The following P2RY8 variants were observed in gnomAD, a reference collection of about 807,000 sequenced individuals.
P2RY8 encodes S-geranylgeranyl-glutathione receptor P2RY8.
Under a neutral mutation model 10.0 loss-of-function variants are expected in P2RY8, and 6 were observed. The observed-to-expected ratio is 0.60, with a 90% CI of 0.33 to 1.19. P2RY8 has a LOEUF of 1.19. Among genes scored for constraint, P2RY8 ranks in the 50% most tolerant of loss-of-function variants. The pLI is 0.04. For synonymous variants in P2RY8, 276 were observed against 252.5 expected, an observed-to-expected ratio of 1.09 and a Z score of -0.88; for missense variants, 456 against 542.0, an observed-to-expected ratio of 0.84 and a Z score of 1.58.
intron 1 of P2RY8, among the ~76,000 whole-genome samples, chrX:1,485,150 C>T (rs756988417): frequency 6.6e-6 from 1 of 151,188 alleles, no homozygotes; most frequent in African/African-American, 2.4e-5. Context: ...CTTTTTTCTT[C>T]TTTTGAAGGT....
At chrX:1,502,535 T>A (rs1318761112) in intron 1 of P2RY8, among the ~76,000 whole-genome samples, 5 of 152,092 alleles carry the variant, frequency 3.3e-5, no homozygotes, top group African/African-American at 1.2e-4. Context: ...GCCGCCCCTG[T>A]CCCTACTCTC....
intron 1 of P2RY8, among the ~76,000 whole-genome samples, chrX:1,521,992 G>A (rs1390847416): frequency 1.2e-5 from 1 of 81,850 alleles, no homozygotes; most frequent in East Asian, 4.7e-4. Context: ...TGCTCTTGCT[G>A]CCCAGGCTGG....
At chrX:1,480,216 C>A (rs2091918652) in intron 1 of P2RY8, among the ~76,000 whole-genome samples, 2 of 152,162 alleles carry the variant, frequency 1.3e-5, no homozygotes, top group Admixed American at 1.3e-4. Flanking sequence ...AGGGTGACAG[C>A]AACTAGCCTG....
chrX:1,503,960 A>T (rs756594099), intron 1 of P2RY8, among the ~76,000 whole-genome samples: 1 of 151,976 alleles, frequency 6.6e-6, no homozygotes, highest in South Asian at 2.1e-4. Context: ...ATAGACTGTA[A>T]TCATGTTGGT....
intron 1 of P2RY8, among the ~76,000 whole-genome samples, chrX:1,490,304 G>A (rs1251715873): frequency 1.6e-5 from 2 of 126,792 alleles, no homozygotes; most frequent in African/African-American, 6.1e-5. Context: ...AAATGTGGAG[G>A]GAATGAATGA....
At chrX:1,533,660 T>C (rs2092499335) in intron 1 of P2RY8, among the ~76,000 whole-genome samples, 1 of 127,418 alleles carries the variant, frequency 7.8e-6, no homozygotes, top group Non-Finnish European at 1.5e-5. Flanking sequence ...TACATATTTA[T>C]TATTTAAATA....
chrX:1,485,404 G>A (rs2091977451), intron 1 of P2RY8, among the ~76,000 whole-genome samples: 1 of 152,088 alleles, frequency 6.6e-6, no homozygotes, highest in Admixed American at 6.6e-5. Context: ...CACCCAAAAT[G>A]CTAGGATTAC....
intron 1 of P2RY8, among the ~76,000 whole-genome samples, chrX:1,486,319 G>A (rs1304064693): frequency 7.2e-5 from 11 of 152,284 alleles, no homozygotes; most frequent in South Asian, 4.1e-4. Flanking sequence ...CCAAGTGTCC[G>A]TCAACAGACA....
intron 1 of P2RY8, among the ~76,000 whole-genome samples, chrX:1,502,707 G>A (rs2092191995): frequency 6.6e-6 from 1 of 152,214 alleles, no homozygotes; most frequent in East Asian, 1.9e-4. Flanking sequence ...GATCTTGAGA[G>A]AAAATAATCC....
intron 1 of P2RY8, among the ~76,000 whole-genome samples, chrX:1,504,190 C>G (rs1344063843): frequency 4.6e-5 from 7 of 151,830 alleles, no homozygotes; most frequent in Non-Finnish European, 1.0e-4. Context: ...GTTGCAGGCG[C>G]CTGTAGTCCC....
chrX:1,489,324 C>T (rs761602431), intron 1 of P2RY8, among the ~76,000 whole-genome samples: 334 of 151,656 alleles, frequency 2.2e-3, no homozygotes, highest in Non-Finnish European at 3.3e-3. Flanking sequence ...GAGATTTACT[C>T]CTGCAACAGT....
chrX:1,493,425 G>GA (rs1556679264), intron 1 of P2RY8, among the ~76,000 whole-genome samples: 5 of 55,956 alleles, frequency 8.9e-5, no homozygotes, highest in South Asian at 8.5e-4. Context: ...AAGGAGGAAG[G>GA]AGGAGGGAGG....
rs1331355024 is a variant in P2RY8 at position 1,522,029 on chromosome X, C to T, written c.-25+14892G>A. 6.8e-5 allele frequency among the ~76,000 whole-genome samples: 9 copies of T among 132,064 alleles called. No individual in the cohort carries two copies. In the East Asian group the frequency reaches 7.7e-4, roughly 11 times the overall value. 86.6% of individuals were successfully genotyped at this position (132,064 alleles called of 152,430 possible). On this transcript the variant is annotated intron_variant, in intron 1 of 1. Transcript: ENST00000381297. The stretch of plus-strand genomic sequence containing the variant: ...GTGCAATGGTGCGATCTCGGCTCAC[C>T]GCAACCTCCGCCTCCCGGGTTCAGG...
At chrX:1,497,021 C>G (rs1488810345) in intron 1 of P2RY8, among the ~76,000 whole-genome samples, 2 of 148,714 alleles carry the variant, frequency 1.3e-5, no homozygotes, top group African/African-American at 5.0e-5. Context: ...GAGTTCGAGA[C>G]CAGTCTGATC....
chrX:1,490,381 C>A lies in P2RY8; in HGVS notation c.-24-23799G>T, dbSNP rs1200377235. 8.0e-5 allele frequency among the ~76,000 whole-genome samples: 12 copies of A among 150,254 alleles called. 1 individual carries two copies. The highest frequency in any genetic ancestry group is 7.3e-4 in the Admixed American group (11 of 15,106). On this transcript the variant is annotated intron_variant, in intron 1 of 1. Coordinates refer to ENST00000381297, the MANE Select transcript of P2RY8 (RefSeq NM_178129.5). Reference sequence around the variant, plus strand: ...ATGAATGATACCCAGATATTCCCTGCAAATGTGGAGGGAATGAATGAATGA... The same window carrying A: ...ATGAATGATACCCAGATATTCCCTGAAAATGTGGAGGGAATGAATGAATGA...
In P2RY8 at chrX:1,465,997, C is replaced by T. The variant is rs763255267; in HGVS notation, c.562G>A (p.Ala188Thr). ...GTGAAGAGGAACACGGCCCACATGG[C>T]CACGCTGGGGAGCATCGTCCACTTG... Reference protein sequence around the residue: ...VLKWTMLPSVAMWAVFLFTIF... With the variant: ...VLKWTMLPSVTMWAVFLFTIF... The change falls in exon 2 of 2, where the codon GCC (alanine) becomes ACC (threonine). Residue 188 changes from alanine to threonine, a missense_variant. Ala to Thr is a moderately conservative substitution (Grantham distance 58, BLOSUM62 0). Transcript: ENST00000381297. 20 of 1,612,092 alleles carry T rather than the reference C, an allele frequency of 1.2e-5. No homozygotes were observed. The East Asian group carries it at 1.8e-4, about 14-fold the overall frequency.
intron 1 of P2RY8, among the ~76,000 whole-genome samples, chrX:1,516,480 G>A (rs2092350766): frequency 2.0e-5 from 3 of 150,888 alleles, no homozygotes; most frequent in Non-Finnish European, 2.9e-5. Context: ...CCAGTCTATG[G>A]TGTTCTGTGA....
At chrX:1,522,394 C>T (rs1221720757) in intron 1 of P2RY8, among the ~76,000 whole-genome samples, 2 of 152,174 alleles carry the variant, frequency 1.3e-5, no homozygotes, top group Non-Finnish European at 2.9e-5. Flanking sequence ...ATATTTTCCT[C>T]ACCTCCCACA....
At chrX:1,505,487 G>C (rs1234453635) in intron 1 of P2RY8, among the ~76,000 whole-genome samples, 1 of 152,140 alleles carries the variant, frequency 6.6e-6, no homozygotes, top group Non-Finnish European at 1.5e-5. Context: ...ATGAAGCTAG[G>C]TGTCTCATCA....
Sources: allele counts gnomAD v4.1 joint callset (sites outside exome capture counted in the v4.1 genomes callset), GRCh38; gene constraint gnomAD v4.1.1; transcripts MANE v1.5; gene names NCBI Gene and HGNC (gene_info 2026-07-23, HGNC 2026-07-21).